ELAC2: variants seen among roughly 807,000 people sequenced by gnomAD.
ELAC2 encodes elaC ribonuclease Z 2, also known as zinc phosphodiesterase ELAC protein 2.
In ELAC2, 92 loss-of-function variants were observed where a neutral mutation model predicts 105.2. That is an observed-to-expected ratio of 0.87 (90% confidence interval 0.74 to 1.04). The LOEUF (loss-of-function observed/expected upper bound fraction) is 1.04, where lower values mean the gene tolerates loss of function less well. Ranked by LOEUF, ELAC2 falls within the 50% of genes least tolerant of loss-of-function variation. ELAC2 has a pLI of 0.00. For missense variants in ELAC2, 1,099 were observed against 1,071.7 expected (o/e 1.03, Z -0.36); for synonymous variants, 468 against 409.1 (o/e 1.14, Z -1.74).
intron 15 of ELAC2, 111 bp from the exon 16 acceptor site, chr17:12,998,619 C>T (rs556313682): frequency 5.8e-6 from 6 of 1,040,718 alleles, no homozygotes; most frequent in Non-Finnish European, 7.4e-6. Flanking sequence ...CCCCAGACCT[C>T]ATGTGGAAAC....
chr17:12,994,568 C>T (rs753137788), intron 21 of ELAC2, 65 bp from the exon 22 acceptor site: 243 of 1,603,498 alleles, frequency 1.5e-4, no homozygotes, highest in Non-Finnish European at 1.8e-4. Context: ...GCCTCAGTCA[C>T]GTGCTGTTTC....
rs191514016 is a variant in ELAC2, at chr17:13,002,836, T to C, written c.1080-257A>G. 1,714 of 546,528 alleles carry C rather than the reference T, an allele frequency of 3.1e-3. 17 individuals are homozygous for C. Among genetic ancestry groups the C allele is most frequent in the African/African-American group, 0.028 (1,482 of 52,906 alleles). 33.9% of individuals were successfully genotyped at this position (546,528 alleles called of 1,614,324 possible). A position where few individuals can be genotyped will look rare whatever the true frequency, so the allele number is the denominator to read the frequency against. On this transcript the variant is annotated intron_variant, in intron 12 of 23. Transcript: ENST00000338034. ...CAAGAAAAAGAAGATGTCCAGGGCA[T>C]ACAAATAGGGGACCCAAACCCTGAG...
intron 8 of ELAC2, among the ~76,000 whole-genome samples, chr17:13,006,745 GGAT>G (rs1261109006): frequency 1.3e-5 from 2 of 152,096 alleles, no homozygotes; most frequent in Non-Finnish European, 2.9e-5. Context: ...ACAAAAGCAT[GGAT>G]GATTTTTATT....
At position 13,011,802 on chromosome 17, in the gene ELAC2, C is replaced by A; in HGVS notation, c.560-20G>T. 6.2e-7 allele frequency: 1 copy of A among 1,614,102 alleles called. No homozygotes were observed. The highest frequency in any genetic ancestry group is 8.5e-7 in the Non-Finnish European group (1 of 1,180,022). On this transcript the variant is annotated intron_variant, in intron 6 of 23. Transcript: ENST00000338034. The stretch of plus-strand genomic sequence containing the variant: ...GTTCACCTGGTCAGTACAGATACCA[C>A]CAAATTACACACTGCACAAGGTGAG...
Position 13,015,770 on chromosome 17 carries a change from G to A in ELAC2, c.430C>T (p.Leu144=), listed in dbSNP as rs2041683725. The A allele has an allele frequency of 6.2e-7, 1 of 1,612,880 alleles. No homozygotes were observed. Among genetic ancestry groups the A allele is most frequent in the African/African-American group, 1.3e-5 (1 of 74,928 alleles). ...PKCVLSGPPQ[L]EKYLEAIKIF... is the part of the protein sequence containing the mutation. ...AAGATGTGTCAGGAAAGACTCACCA[G>A]TTGTGGAGGTCCAGAAAGTACACAC... The change falls in exon 4 of 24, where the codon CTG becomes TTG. Residue 144 remains leucine (L), a splice_region_variant and synonymous_variant. Coordinates refer to ENST00000338034, the MANE Select transcript of ELAC2 (RefSeq NM_018127.7).
chr17:13,016,179 C>T (rs1185659687), intron 3 of ELAC2, among the ~76,000 whole-genome samples: 2 of 152,274 alleles, frequency 1.3e-5, no homozygotes, highest in East Asian at 1.9e-4. Context: ...TCACTCCTTC[C>T]GGTCCATGCC....
chr17:13,002,718 T>C (rs2040884692), intron 12 of ELAC2, 139 bp from the exon 13 acceptor site: 9 of 1,349,548 alleles, frequency 6.7e-6, no homozygotes, highest in East Asian at 2.5e-5. Flanking sequence ...TGTTACTACA[T>C]GGCCAAACAT....
chr17:13,016,806 G>A (rs983021760), intron 3 of ELAC2, 56 bp downstream of exon 3: 33 of 1,544,742 alleles, frequency 2.1e-5, no homozygotes, highest in Non-Finnish European at 2.6e-5. Flanking sequence ...TGGTAAAGCC[G>A]GTTAAAATCC....
At position 13,005,283 on chromosome 17, in the gene ELAC2, GGTAACT is replaced by G. The variant is rs10532461; in HGVS notation, c.871-188_871-183del. Among the ~76,000 whole-genome samples the G allele has an allele frequency of 0.27, 40,440 of 151,918 alleles. 5,566 individuals are homozygous for G. The highest frequency in any genetic ancestry group is 0.33 in the Middle Eastern group (96 of 294). On this transcript the variant is annotated intron_variant, in intron 10 of 23. Transcript: ENST00000338034. ...TGGTCTCTTTGTGGATACCTAAACAGGTAACTGTCAGGTTGAGGCACTTCAGGCCTA... is the reference window on the plus strand; with the variant it reads ...TGGTCTCTTTGTGGATACCTAAACAGGTCAGGTTGAGGCACTTCAGGCCTA...
At position 13,005,780 on chromosome 17, in the gene ELAC2, C is replaced by G; in HGVS notation, c.843G>C (p.Gly281=). Residue 281 remains glycine (G), a synonymous_variant, in exon 10 of 24, where the codon GGG becomes GGC. Transcript: ENST00000338034. ...CTCTTCCTTCATGAGTGATGCTTTT[C>G]CCGTCCTTGACAGCAGCAATGATGG... is the stretch of plus-strand genomic sequence containing the variant. ...IAPIIAAVKD[G]KSITHEGREI... 1 of 1,614,158 alleles carries G rather than the reference C, an allele frequency of 6.2e-7. No individual in the cohort carries two copies. The highest frequency in any genetic ancestry group is 8.5e-7 in the Non-Finnish European group (1 of 1,180,030).
intron 22 of ELAC2, among the ~76,000 whole-genome samples, chr17:12,994,121 C>T (rs1305776959): frequency 6.6e-6 from 1 of 152,206 alleles, no homozygotes; most frequent in African/African-American, 2.4e-5. Context: ...AAATTAGCAG[C>T]CAAAAATTCA....
At chr17:13,003,215 A>C (rs1351011479) in intron 12 of ELAC2, among the ~76,000 whole-genome samples, 1 of 152,234 alleles carries the variant, frequency 6.6e-6, no homozygotes, top group Non-Finnish European at 1.5e-5. Flanking sequence ...ACCAAACGGC[A>C]GTATTTGTTC....
At position 13,015,755 on chromosome 17, in the gene ELAC2, A is replaced by G; in HGVS notation, c.432+13T>C. On this transcript the variant is annotated intron_variant, in intron 4 of 23. Coordinates refer to ENST00000338034, the MANE Select transcript of ELAC2 (RefSeq NM_018127.7). ...AAAGATTGCTTTTGAAAGATGTGTC[A>G]GGAAAGACTCACCAGTTGTGGAGGT... 6.2e-7 allele frequency: 1 copy of G among 1,610,084 alleles called. No homozygotes were observed. The highest frequency in any genetic ancestry group is 8.5e-7 in the Non-Finnish European group (1 of 1,176,276).
chr17:13,002,295 C>T lies in ELAC2; in HGVS notation c.1283G>A (p.Arg428His), dbSNP rs376713626. 47 of 1,614,024 alleles carry T rather than the reference C, an allele frequency of 2.9e-5. No homozygotes were observed. In the African/African-American group the frequency reaches 4.0e-4, roughly 14 times the overall value. The change falls in exon 14 of 24, where the codon CGT becomes CAT. Residue 428 changes from arginine (R) to histidine (H), a missense_variant. Arg to His is a conservative substitution (Grantham distance 29). Coordinates refer to ENST00000338034, the MANE Select transcript of ELAC2 (RefSeq NM_018127.7). Reference sequence around the variant, plus strand: ...AGACCTCTGCCACTCCCTCCTGGGACGGAGCTGGTACTTGAGGAGGCATTC... The same window carrying T: ...AGACCTCTGCCACTCCCTCCTGGGATGGAGCTGGTACTTGAGGAGGCATTC... ...QGECLLKYQL[R>H]PRREWQRDAI...
chr17:12,993,148 C>A (rs902866028), intron 23 of ELAC2, 103 bp from the exon 24 acceptor site: 38 of 1,236,812 alleles, frequency 3.1e-5, no homozygotes, highest in Admixed American at 1.1e-4. Flanking sequence ...AGCGCCAACG[C>A]CCCTTCCTTG....
In ELAC2 at chr17:13,018,004, G is replaced by A. The variant is rs1368720191; in HGVS notation, c.-57C>T. The stretch of plus-strand genomic sequence containing the variant: ...CCGGTCACCTACGCCCGCGTTTCCC[G>A]TGCACCACCTAGCCGCTCCGCATGG... On this transcript the variant is annotated 5_prime_UTR_variant, in exon 1 of 24. In the 5' UTR this introduces an upstream ATG that the reference lacks. Coordinates refer to ENST00000338034, the MANE Select transcript of ELAC2 (RefSeq NM_018127.7). 2.0e-6 allele frequency: 3 copies of A among 1,533,364 alleles called. No individual in the cohort carries two copies. In the African/African-American group the frequency reaches 4.1e-5, roughly 21 times the overall value. The allele number at this position is 1,533,364 out of a possible 1,614,324, so 95.0% of individuals were successfully genotyped here.
At chr17:13,006,896 T>C (rs1598243592) in intron 8 of ELAC2, among the ~76,000 whole-genome samples, 1 of 151,378 alleles carries the variant, frequency 6.6e-6, no homozygotes, top group South Asian at 2.1e-4. Context: ...CCGAGGCGGG[T>C]AGATCATGAG....
In ELAC2 at chr17:12,991,873, C is replaced by CTT. The variant is rs954453818; in HGVS notation, c.*943_*944dup. ...CTTACTTACTTACTTACTTACTTTA[C>CTT]TTACTTACTTCCTTGGAAAATGCTC... On this transcript the variant is annotated 3_prime_UTR_variant, in exon 24 of 24. Coordinates refer to ENST00000338034, the MANE Select transcript of ELAC2 (RefSeq NM_018127.7). 5.0e-5 allele frequency among the ~76,000 whole-genome samples: 6 copies of CTT among 119,740 alleles called. No homozygotes were observed. The highest frequency in any genetic ancestry group is 1.7e-4 in the African/African-American group (6 of 35,834). 78.6% of individuals were successfully genotyped at this position (119,740 alleles called of 152,430 possible).
intron 15 of ELAC2, among the ~76,000 whole-genome samples, chr17:12,999,450 G>A (rs1157115352): frequency 4.6e-5 from 7 of 152,234 alleles, no homozygotes; most frequent in Non-Finnish European, 8.8e-5. Flanking sequence ...CAAAGCCTGT[G>A]CCCGGCCCTC....
Sources: allele counts gnomAD v4.1 joint callset (sites outside exome capture counted in the v4.1 genomes callset), GRCh38; gene constraint gnomAD v4.1.1; transcripts MANE v1.5; gene names NCBI Gene and HGNC (gene_info 2026-07-23, HGNC 2026-07-21).